PARD3: variants seen among roughly 807,000 people sequenced by gnomAD.
The protein encoded by PARD3 is par-3 family cell polarity regulator.
A neutral mutation model predicts 155.4 loss-of-function variants in PARD3; 75 were observed. The observed-to-expected ratio is 0.48, with a 90% CI of 0.40 to 0.58. The LOEUF is 0.58. Among genes scored for constraint, PARD3 ranks in the 20% least tolerant of loss-of-function variants. PARD3 has a pLI of 0.00. For synonymous variants in PARD3, 576 were observed against 610.5 expected (o/e 0.94, Z 0.83); for missense variants, 1,642 against 1,721.7 (o/e 0.95, Z 0.82).
chr10:34,806,495 T>C (rs969922078), intron 1 of PARD3, among the ~76,000 whole-genome samples: 12 of 151,936 alleles, frequency 7.9e-5, no homozygotes, highest in Admixed American at 6.6e-4. Context: ...GGCCTATGCC[T>C]GGCTAATTTT....
chr10:34,498,883 T>C (rs912590037), intron 3 of PARD3, among the ~76,000 whole-genome samples: 1 of 152,164 alleles, frequency 6.6e-6, no homozygotes, highest in Non-Finnish European at 1.5e-5. Context: ...AAAATAAAGG[T>C]AATGAATCAC....
intron 5 of PARD3, among the ~76,000 whole-genome samples, chr10:34,446,626 T>C (rs2076753786): frequency 6.6e-6 from 1 of 152,252 alleles, no homozygotes; most frequent in Non-Finnish European, 1.5e-5. Context: ...TCAATTAGTT[T>C]AAAAATCCGA....
intron 23 of PARD3, among the ~76,000 whole-genome samples, chr10:34,125,071 C>CTTTTTTTTTTTTTTTTTTTTTTT (rs71523316): frequency 1.4e-5 from 2 of 140,636 alleles, no homozygotes; most frequent in African/African-American, 5.6e-5. Context: ...CTATTTCTTT[C>CTTTTTTTTTTTTTTTTTTTTTTT]TTTTTTTTTT....
chr10:34,423,997 A>G, intron 5 of PARD3, among the ~76,000 whole-genome samples: 1 of 152,228 alleles, frequency 6.6e-6, no homozygotes, highest in Non-Finnish European at 1.5e-5. Flanking sequence ...TATTCCAGCA[A>G]AAAGCAACTC....
chr10:34,515,488 TG>T (rs1176135733), intron 3 of PARD3, among the ~76,000 whole-genome samples: 78 of 152,358 alleles, frequency 5.1e-4, no homozygotes, highest in Middle Eastern at 6.8e-3. Flanking sequence ...TGGTTAGCAC[TG>T]GTCTGTAGCT....
At position 34,119,635 on chromosome 10, in the gene PARD3, G is replaced by A; in HGVS notation, c.3646C>T (p.Arg1216Cys). The change falls in exon 24 of 25, where the codon CGC (arginine) becomes TGC (cysteine). Residue 1216 changes from arginine to cysteine, a missense_variant. By Grantham distance (180) the Arg-to-Cys change is radical (BLOSUM62 -3). This residue lies in a region of PARD3 where 1,529 missense variants were observed against 1,587.3 expected (regional missense o/e 0.96). Transcript: ENST00000374788. ...EERESSQQAQ[R>C]QYSSLPRQSR... ...TACCGAGGCAGAGAGCTGTACTGGC[G>A]CTGGGCCTGCTGGGAGCTCTCGCGC... is the stretch of plus-strand genomic sequence containing the variant. The A allele has an allele frequency of 6.2e-7, 1 of 1,609,554 alleles. No individual in the cohort carries two copies. Among genetic ancestry groups the A allele is most frequent in the South Asian group, 1.1e-5 (1 of 90,592 alleles).
chr10:34,234,568 T>C (rs189592248), intron 22 of PARD3, among the ~76,000 whole-genome samples: 76 of 152,348 alleles, frequency 5.0e-4, no homozygotes, highest in Non-Finnish European at 9.3e-4. Flanking sequence ...TCTGCATGAA[T>C]GACTTCTTTG....
Position 34,349,218 on chromosome 10 carries a change from G to A in PARD3, c.2068-1103C>T, listed in dbSNP as rs147013853. On this transcript the variant is annotated intron_variant, in intron 14 of 24. Coordinates refer to ENST00000374788, the MANE Select transcript of PARD3 (RefSeq NM_001184785.2). ...TTCAGCTGAACAAATTATTATTTCC[G>A]TTAGAAGCTATCATCTGTTTAATAT... Among the ~76,000 whole-genome samples, 718 of 152,190 alleles carry A rather than the reference G, an allele frequency of 4.7e-3. 7 individuals are homozygous for A. Among genetic ancestry groups the A allele is most frequent in the African/African-American group, 0.016 (681 of 41,524 alleles).
intron 1 of PARD3, among the ~76,000 whole-genome samples, chr10:34,740,440 C>T (rs1259282839): frequency 6.6e-6 from 1 of 152,232 alleles, no homozygotes; most frequent in Non-Finnish European, 1.5e-5. Context: ...CTTTTGAATC[C>T]ATGGCAGTAG....
intron 22 of PARD3, among the ~76,000 whole-genome samples, chr10:34,145,213 A>ATTTT (rs1564429829): frequency 3.3e-4 from 21 of 64,014 alleles, no homozygotes; most frequent in Non-Finnish European, 4.0e-4. Flanking sequence ...ATATATATAT[A>ATTTT]TATATATATT....
chr10:34,240,246 G>A (rs1213432631), intron 22 of PARD3, among the ~76,000 whole-genome samples: 1 of 152,146 alleles, frequency 6.6e-6, no homozygotes, highest in African/African-American at 2.4e-5. Context: ...AGATGTTCGT[G>A]ACTTATTAGG....
chr10:34,621,919 G>C (rs990470715), intron 2 of PARD3, among the ~76,000 whole-genome samples: 1 of 152,202 alleles, frequency 6.6e-6, no homozygotes, highest in African/African-American at 2.4e-5. Context: ...CTCAGAGGTT[G>C]TAACAGTCCA....
intron 1 of PARD3, among the ~76,000 whole-genome samples, chr10:34,803,847 G>A (rs1430265537): frequency 6.6e-6 from 1 of 152,074 alleles, no homozygotes; most frequent in Non-Finnish European, 1.5e-5. Flanking sequence ...ATCAAGTTCA[G>A]GAGTTTGTTA....
intron 1 of PARD3, among the ~76,000 whole-genome samples, chr10:34,808,229 G>A (rs549560303): frequency 3.6e-4 from 55 of 152,262 alleles, no homozygotes; most frequent in African/African-American, 7.5e-4. Context: ...CAGGAGGATC[G>A]CTTGAGCCTG....
chr10:34,371,677 A>T (rs1017421302), intron 12 of PARD3, among the ~76,000 whole-genome samples: 1 of 151,982 alleles, frequency 6.6e-6, no homozygotes, highest in East Asian at 1.9e-4. Context: ...GGAAAGGGAC[A>T]TATTGACATT....
intron 3 of PARD3, among the ~76,000 whole-genome samples, chr10:34,504,093 C>T (rs2080888080): frequency 6.6e-6 from 1 of 151,972 alleles, no homozygotes; most frequent in African/African-American, 2.4e-5. Flanking sequence ...ACTGCACTTC[C>T]ACATTCACAA....
At chr10:34,512,038 T>A (rs1438590845) in intron 3 of PARD3, among the ~76,000 whole-genome samples, 1 of 152,180 alleles carries the variant, frequency 6.6e-6, no homozygotes, top group Non-Finnish European at 1.5e-5. Context: ...AACACTGTTG[T>A]ACTAGGGATT....
intron 22 of PARD3, among the ~76,000 whole-genome samples, chr10:34,210,398 G>A (rs1298815327): frequency 6.6e-6 from 1 of 152,196 alleles, no homozygotes; most frequent in Non-Finnish European, 1.5e-5. Flanking sequence ...TACTTTGCGT[G>A]TGGATGTTGG....
chr10:34,640,731 A>AAAAAAAAAAAAAAAAAAAAC (rs2092650119), intron 2 of PARD3, among the ~76,000 whole-genome samples: 1 of 146,576 alleles, frequency 6.8e-6, no homozygotes, highest in Non-Finnish European at 1.5e-5. Flanking sequence ...AAAAAAAAAA[A>AAAAAAAAAAAAAAAAAAAAC]AAAAAGCACT....
Sources: gnomAD v4.1 joint callset for allele counts (sites outside exome capture counted in the v4.1 genomes callset) on GRCh38, gnomAD v4.1.1 for gene constraint, gnomAD v4.1.1 regional missense constraint, MANE v1.5 for transcripts, NCBI Gene and HGNC (gene_info 2026-07-23, HGNC 2026-07-21) for gene names.